Variants in TLE7 observed in about 807,000 individuals in gnomAD.
The protein encoded by TLE7 is TLE family member 7.
intron 1 of TLE7, among the ~76,000 whole-genome samples, chr16:71,434,109 G>C (rs1449054791): frequency 6.6e-6 from 1 of 152,216 alleles, no homozygotes; most frequent in Non-Finnish European, 1.5e-5. Context: ...GAGATCATAA[G>C]AATATAAGGT....
chr16:71,437,824 C>A (rs2042832206), intron 1 of TLE7, among the ~76,000 whole-genome samples: 2 of 152,196 alleles, frequency 1.3e-5, no homozygotes, highest in African/African-American at 2.4e-5. Context: ...ACAGAGGAAT[C>A]TTTTACCACC....
chr16:71,439,057 C>A (rs987026578), intron 1 of TLE7, among the ~76,000 whole-genome samples: 1 of 152,204 alleles, frequency 6.6e-6, no homozygotes, highest in East Asian at 1.9e-4. Context: ...GTCTTACTGA[C>A]CCCCGCTGTG....
In TLE7 at chr16:71,432,890, A is replaced by G. The variant is rs1213192150; in HGVS notation, c.314T>C (p.Phe105Ser). The G allele has an allele frequency of 7.5e-6, 3 of 398,718 alleles. No individual in the cohort carries two copies. Among genetic ancestry groups the G allele is most frequent in the Non-Finnish European group, 1.3e-5 (3 of 226,262 alleles). The allele number at this position is 398,718 out of a possible 1,614,324, so 24.7% of individuals were successfully genotyped here. Residue 105 changes from phenylalanine (F) to serine (S), a missense_variant and splice_region_variant, in exon 3 of 10, where the codon TTC becomes TCC. Coordinates refer to ENST00000561754, the MANE Select transcript of TLE7 (RefSeq NM_001367365.2). ...CTCACCAACCTCAGAACCCAGTAGGAAGCTACAACACATGGAGAGAGGGAG... is the reference window on the plus strand; with the variant it reads ...CTCACCAACCTCAGAACCCAGTAGGGAGCTACAACACATGGAGAGAGGGAG... ...PGEAAESSPSFLLGSEVGQPY... is the reference protein window; with the variant it reads ...PGEAAESSPSSLLGSEVGQPY...
intron 1 of TLE7, among the ~76,000 whole-genome samples, chr16:71,438,866 G>C (rs751787340): frequency 6.6e-6 from 1 of 152,154 alleles, no homozygotes; most frequent in Non-Finnish European, 1.5e-5. Flanking sequence ...TTGAGCTCAG[G>C]ATGTGCCATA....
chr16:71,433,588 C>G (rs531515591), intron 1 of TLE7, among the ~76,000 whole-genome samples, 168 bp from the exon 2 acceptor site: 6 of 152,234 alleles, frequency 3.9e-5, no homozygotes, highest in Non-Finnish European at 8.8e-5. Context: ...AAGCGTCACA[C>G]AAGCACTTTG....
intron 1 of TLE7, among the ~76,000 whole-genome samples, chr16:71,438,348 G>C (rs939060256): frequency 8.2e-5 from 12 of 147,116 alleles, no homozygotes; most frequent in Non-Finnish European, 1.8e-4. Flanking sequence ...AGAATCACCT[G>C]AGCCCAGGAG....
chr16:71,435,024 A>C (rs2042820824), intron 1 of TLE7, among the ~76,000 whole-genome samples: 1 of 152,220 alleles, frequency 6.6e-6, no homozygotes, highest in Non-Finnish European at 1.5e-5. Context: ...GGGATTTGGC[A>C]GATGTCTGGC....
At chr16:71,432,752 TCA>T in intron 3 of TLE7, 29 bp from the exon 4 acceptor site, 2 of 398,632 alleles carry the variant, frequency 5.0e-6, no homozygotes, top group Non-Finnish European at 8.8e-6. Context: ...GCCCACCTGC[TCA>T]CAGAGTCCCA....
At chr16:71,434,754 G>A (rs993357510) in intron 1 of TLE7, among the ~76,000 whole-genome samples, 2 of 152,106 alleles carry the variant, frequency 1.3e-5, no homozygotes, top group East Asian at 1.9e-4. Flanking sequence ...GAGGAGGTTC[G>A]AACCCTGTCC....
At chr16:71,437,909 G>T (rs985465480) in intron 1 of TLE7, among the ~76,000 whole-genome samples, 3 of 152,130 alleles carry the variant, frequency 2.0e-5, no homozygotes, top group African/African-American at 7.2e-5. Context: ...CTTGTCCCCA[G>T]AACGTCTGTG....
chr16:71,441,102 C>G (rs2042846045), intron 1 of TLE7, among the ~76,000 whole-genome samples: 1 of 152,210 alleles, frequency 6.6e-6, no homozygotes, highest in Admixed American at 6.5e-5. Flanking sequence ...TCTTATCTCC[C>G]CAGGGACCTG....
rs2145043177 is a variant in TLE7, at chr16:71,432,904, G to A, written c.312-12C>T. ...AACCCAGTAGGAAGCTACAACACAT[G>A]GAGAGAGGGAGGGAGGAGACAGAGT... On this transcript the variant is annotated splice_polypyrimidine_tract_variant and intron_variant, in intron 2 of 9. Transcript: ENST00000561754. 2 of 398,936 alleles carry A rather than the reference G, an allele frequency of 5.0e-6. No homozygotes were observed. The highest frequency in any genetic ancestry group is 4.4e-5 in the Admixed American group (1 of 22,748). 24.7% of individuals were successfully genotyped at this position (398,936 alleles called of 1,614,324 possible).
intron 1 of TLE7, among the ~76,000 whole-genome samples, chr16:71,434,736 A>G (rs1418653934): frequency 6.6e-6 from 1 of 152,178 alleles, no homozygotes; most frequent in Non-Finnish European, 1.5e-5. Flanking sequence ...ACTGCTAGAA[A>G]ACACAGAGAG....
intron 4 of TLE7, 86 bp from the exon 5 acceptor site, chr16:71,432,411 A>ACCACCCACCCAT (rs6145888): frequency 2.5e-6 from 1 of 397,334 alleles, no homozygotes; most frequent in Non-Finnish European, 4.4e-6. Context: ...TAGATTCTTA[A>ACCACCCACCCAT]CCACCCACCC....
At chr16:71,438,674 T>A (rs1389970073) in intron 1 of TLE7, among the ~76,000 whole-genome samples, 4 of 90,166 alleles carry the variant, frequency 4.4e-5, no homozygotes, top group South Asian at 3.6e-4. Flanking sequence ...AGGGTGAGAC[T>A]CCATCTCAAA....
intron 1 of TLE7, among the ~76,000 whole-genome samples, chr16:71,438,260 C>T (rs1020886438): frequency 1.3e-5 from 2 of 151,754 alleles, no homozygotes; most frequent in South Asian, 2.1e-4. Flanking sequence ...TGGTGAAACC[C>T]GTCTCTAATA....
chr16:71,441,862 TC>T (rs1001780598), intron 1 of TLE7, 106 bp downstream of exon 1: 3 of 152,182 alleles, frequency 2.0e-5, no homozygotes, highest in African/African-American at 4.8e-5. Flanking sequence ...CGCCAGCACC[TC>T]CGCGGGCGGC....
rs1567555768 is a variant in TLE7, at chr16:71,433,133, A to G, written c.192T>C (p.Asp64=). 1 of 398,596 alleles carries G rather than the reference A, an allele frequency of 2.5e-6. No individual in the cohort carries two copies. The highest frequency in any genetic ancestry group is 4.4e-6 in the Non-Finnish European group (1 of 226,192). 24.7% of individuals were successfully genotyped at this position (398,596 alleles called of 1,614,324 possible). The change falls in exon 2 of 10, where the codon GAT becomes GAC. Residue 64 remains aspartate, a synonymous_variant. Coordinates refer to ENST00000561754, the MANE Select transcript of TLE7 (RefSeq NM_001367365.2). Reference sequence around the variant, plus strand: ...GCTGGGTCACCGTGCTTGTCTCTTGATCAGCAGGGCTGTGCTGTATTGGGG... The same window carrying G: ...GCTGGGTCACCGTGCTTGTCTCTTGGTCAGCAGGGCTGTGCTGTATTGGGG... ...PGPPIQHSPA[D]QETSTVTQQQ...
intron 1 of TLE7, among the ~76,000 whole-genome samples, chr16:71,437,404 G>A (rs1352359344): frequency 3.4e-5 from 5 of 148,404 alleles, no homozygotes; most frequent in African/African-American, 7.5e-5. Flanking sequence ...AGAGAGAAGA[G>A]AAGAAAAGAA....
Sources: allele counts gnomAD v4.1 joint callset (sites outside exome capture counted in the v4.1 genomes callset), GRCh38; gene constraint gnomAD v4.1.1; transcripts MANE v1.5; gene names NCBI Gene and HGNC (gene_info 2026-07-23, HGNC 2026-07-21).